Variants in SHISAL1 observed in about 807,000 individuals in gnomAD.
The protein encoded by SHISAL1 is shisa like 1.
SHISAL1 carries 9 observed loss-of-function variants against 22.6 expected under a neutral mutation model. The observed-to-expected ratio is 0.40, with a 90% CI of 0.24 to 0.70. The LOEUF (loss-of-function observed/expected upper bound fraction) is 0.70, where lower values mean the gene tolerates loss of function less well. Ranked by LOEUF, SHISAL1 falls within the 30% of genes least tolerant of loss-of-function variation. SHISAL1 has a pLI of 0.39. For missense variants in SHISAL1, 246 were observed against 270.6 expected (o/e 0.91, Z 0.64); for synonymous variants, 119 against 115.4 (o/e 1.03, Z -0.20).
At chr22:44,268,422 T>C (rs1485999058) in intron 4 of SHISAL1, among the ~76,000 whole-genome samples, 1 of 152,182 alleles carries the variant, frequency 6.6e-6, no homozygotes, top group African/African-American at 2.4e-5. Context: ...GGTTTTAAGC[T>C]GAAAGATGAC....
chr22:44,262,681 G>A (rs1295597910), intron 4 of SHISAL1, among the ~76,000 whole-genome samples: 1 of 152,240 alleles, frequency 6.6e-6, no homozygotes, highest in Non-Finnish European at 1.5e-5. Flanking sequence ...CTGGGGCAGT[G>A]GCCTGGGCAG....
At chr22:44,249,842 GA>G (rs749391194) in intron 4 of SHISAL1, among the ~76,000 whole-genome samples, 157 bp from the exon 5 acceptor site, 1 of 151,750 alleles carries the variant, frequency 6.6e-6, no homozygotes, top group Non-Finnish European at 1.5e-5. Context: ...CTGGAAGAAA[GA>G]AAAAAAATGT....
At chr22:44,253,832 C>CTGTGTGTGTGTGTGTGTGTGTG (rs61001074) in intron 4 of SHISAL1, among the ~76,000 whole-genome samples, 1 of 149,186 alleles carries the variant, frequency 6.7e-6, no homozygotes, top group East Asian at 2.0e-4. Flanking sequence ...AATCTAACAA[C>CTGTGTGTGTGTGTGTGTGTGTG]TGTGTGTGTG....
chr22:44,327,103 T>A, the SHISAL1 span, among the ~76,000 whole-genome samples: 3 of 151,952 alleles, frequency 2.0e-5, no homozygotes, highest in African/African-American at 7.3e-5. Context: ...AGCAGATCGG[T>A]TTCAGCCCCC....
At chr22:44,329,881 T>G in the SHISAL1 span, among the ~76,000 whole-genome samples, 1 of 152,176 alleles carries the variant, frequency 6.6e-6, no homozygotes, top group African/African-American at 2.4e-5. Flanking sequence ...AGCCTACCAG[T>G]AGGTGAAAAG....
At chr22:44,315,839 T>C (rs1283921547), upstream of SHISAL1, among the ~76,000 whole-genome samples, 1 of 151,582 alleles carries the variant, frequency 6.6e-6, no homozygotes, top group Admixed American at 6.6e-5. Flanking sequence ...TGCTGGGGAG[T>C]TGCTGCCTCC....
the SHISAL1 span, among the ~76,000 whole-genome samples, chr22:44,323,730 C>G: frequency 1.3e-5 from 2 of 152,184 alleles, no homozygotes; most frequent in African/African-American, 4.8e-5. Flanking sequence ...CCAAAGCATG[C>G]CAAACCTGGA....
Position 44,253,425 on chromosome 22 carries a change from A to ATTTTTT in SHISAL1, c.*-3741_*-3740insAAAAAA, listed in dbSNP as rs1491154287. On this transcript the variant is annotated intron_variant, in intron 4 of 4. Coordinates refer to ENST00000381176, the MANE Select transcript of SHISAL1 (RefSeq NM_001099294.2). ...AAGCAGAGTATGCTAGTATTAGTGC[A>ATTTTTT]TGTTTTTTTTTTTTTTTTTTTTTGA... Among the ~76,000 whole-genome samples, 17 of 107,884 alleles carry ATTTTTT rather than the reference A, an allele frequency of 1.6e-4. 8 individuals carry two copies. The highest frequency in any genetic ancestry group is 2.2e-4 in the Admixed American group (2 of 9,270). The allele number at this position is 107,884 out of a possible 152,430, so 70.8% of individuals were successfully genotyped here. A position where few individuals can be genotyped will look rare whatever the true frequency, so the allele number is the denominator to read the frequency against.
intron 4 of SHISAL1, among the ~76,000 whole-genome samples, chr22:44,274,053 C>G (rs2055222477): frequency 6.7e-6 from 1 of 148,552 alleles, no homozygotes. Flanking sequence ...CTCCCGGCCC[C>G]CCCCTCCCCC....
rs1429038985 is a variant in SHISAL1 at position 44,245,109 on chromosome 22, T to C, written c.*4576A>G. 6.6e-6 allele frequency: 1 copy of C among 152,244 alleles called. No homozygotes were observed. Among genetic ancestry groups the C allele is most frequent in the Admixed American group, 6.5e-5 (1 of 15,274 alleles). The allele number at this position is 152,244 out of a possible 1,614,324, so 9.4% of individuals were successfully genotyped here. Reference sequence around the variant, plus strand: ...GGCCTCTCTGACTGTCCCAGTGCTGTGGGGGCCAAGCAGACACCCTCTGAT... The same window carrying C: ...GGCCTCTCTGACTGTCCCAGTGCTGCGGGGGCCAAGCAGACACCCTCTGAT... On this transcript the variant is annotated 3_prime_UTR_variant, in exon 5 of 5. Transcript: ENST00000381176.
upstream of SHISAL1, among the ~76,000 whole-genome samples, chr22:44,317,282 G>A (rs146182399): frequency 2.6e-5 from 4 of 152,338 alleles, no homozygotes; most frequent in African/African-American, 9.6e-5. Context: ...CTGCTGCACC[G>A]ACGAGCAGGG....
intron 4 of SHISAL1, among the ~76,000 whole-genome samples, chr22:44,275,862 A>G (rs1304506425): frequency 6.6e-6 from 1 of 152,244 alleles, no homozygotes; most frequent in Non-Finnish European, 1.5e-5. Context: ...CTACTGTTAC[A>G]GTAATAATGC....
the SHISAL1 span, among the ~76,000 whole-genome samples, chr22:44,328,724 T>C: frequency 6.6e-6 from 1 of 152,066 alleles, no homozygotes; most frequent in African/African-American, 2.4e-5. Flanking sequence ...ACCTCAACCA[T>C]GGGCAGCCCA....
intron 3 of SHISAL1, among the ~76,000 whole-genome samples, chr22:44,291,056 G>A (rs916530641): frequency 2.2e-4 from 34 of 152,180 alleles, no homozygotes; most frequent in Admixed American, 1.4e-3. Flanking sequence ...CTGGTAACAG[G>A]CTTGGACAAG....
At chr22:44,313,198 C>A (rs1052422243), upstream of SHISAL1, among the ~76,000 whole-genome samples, 2 of 152,256 alleles carry the variant, frequency 1.3e-5, no homozygotes, top group Non-Finnish European at 2.9e-5. Flanking sequence ...GCAGCAGGGG[C>A]TTAGACCCAG....
At chr22:44,318,482 A>G in the SHISAL1 span, among the ~76,000 whole-genome samples, 1 of 152,158 alleles carries the variant, frequency 6.6e-6, no homozygotes, top group Non-Finnish European at 1.5e-5. Flanking sequence ...GGCCACAGCC[A>G]TAGCTAGAGA....
rs1173492075 is a variant in SHISAL1, at chr22:44,246,039, C to G, written c.*3646G>C. On this transcript the variant is annotated 3_prime_UTR_variant, in exon 5 of 5. Transcript: ENST00000381176. ...GTTTTTTCAATTAAGGCCTGTTGCA[C>G]ATCAGCAATGGTCATGGTCAGGTGG... 6.6e-6 allele frequency: 1 copy of G among 152,302 alleles called. No homozygotes were observed. The highest frequency in any genetic ancestry group is 1.5e-5 in the Non-Finnish European group (1 of 68,112). The allele number at this position is 152,302 out of a possible 1,614,324, so 9.4% of individuals were successfully genotyped here.
intron 3 of SHISAL1, among the ~76,000 whole-genome samples, chr22:44,292,371 C>A (rs1361705121): frequency 6.6e-6 from 1 of 152,204 alleles, no homozygotes; most frequent in Non-Finnish European, 1.5e-5. Context: ...CAGTGGCACA[C>A]AAGTCCTGGC....
intron 4 of SHISAL1, among the ~76,000 whole-genome samples, chr22:44,252,652 CACAA>C (rs71722033): frequency 0.15 from 21,944 of 148,686 alleles, 1,832 homozygotes; most frequent in East Asian, 0.3. Context: ...AAAGACTGAT[CACAA>C]ACAAAGGCAC....
Sources: gnomAD v4.1 joint callset for allele counts (sites outside exome capture counted in the v4.1 genomes callset) on GRCh38, gnomAD v4.1.1 for gene constraint, MANE v1.5 for transcripts, NCBI Gene and HGNC (gene_info 2026-07-23, HGNC 2026-07-21) for gene names.